The following GPC6 variants were observed in gnomAD, a reference collection of about 807,000 sequenced individuals.
GPC6 encodes the protein glypican 6.
In GPC6, 14 loss-of-function variants were observed where a neutral mutation model predicts 55.2. The observed-to-expected ratio is 0.25, with a 90% CI of 0.17 to 0.40. The LOEUF is 0.40. Ranked by LOEUF, GPC6 falls within the 10% of genes least tolerant of loss-of-function variation. The pLI, the probability that GPC6 is intolerant of heterozygous loss-of-function variation, is 1.00. For synonymous variants in GPC6, 278 were observed against 259.6 expected (o/e 1.07, Z -0.68); for missense variants, 641 against 708.5 (o/e 0.90, Z 1.08).
At chr13:93,958,570 A>T (rs1046314721) in intron 3 of GPC6, among the ~76,000 whole-genome samples, 3 of 152,136 alleles carry the variant, frequency 2.0e-5, no homozygotes, top group Admixed American at 6.5e-5. Context: ...TGTTTTTACC[A>T]GTATCAGCTG....
intron 3 of GPC6, among the ~76,000 whole-genome samples, chr13:93,917,403 CAA>C (rs796168883): frequency 1.3e-5 from 2 of 151,846 alleles, no homozygotes; most frequent in East Asian, 3.9e-4. Flanking sequence ...CTGCCACACA[CAA>C]AAAAACATTG....
rs199682007 is a variant in GPC6, at chr13:94,397,426, G to GTCAAA, written c.1290-1040_1290-1039insTCAAA. 7.2e-5 allele frequency among the ~76,000 whole-genome samples: 11 copies of GTCAAA among 152,216 alleles called. No homozygotes were observed. The East Asian group carries it at 2.1e-3, about 29-fold the overall frequency. ...GACAATTTTGACATTTTGGTACAAG[G>GTCAAA]GAAAGAAATGTGAAACTCAGAATCA... On this transcript the variant is annotated intron_variant, in intron 7 of 8. Coordinates refer to ENST00000377047, the MANE Select transcript of GPC6 (RefSeq NM_005708.5).
In GPC6 at chr13:94,406,856, G is replaced by A. The variant is rs546159818; in HGVS notation, c.*3639G>A. On this transcript the variant is annotated 3_prime_UTR_variant, in exon 9 of 9. Transcript: ENST00000377047. ...AACCTAGACGCATTAGGAAATGCAA[G>A]TTTTACCTAAAACTTGCAGAAATTT... 9 of 152,020 alleles carry A rather than the reference G, an allele frequency of 5.9e-5. No homozygotes were observed. Among genetic ancestry groups the A allele is most frequent in the Non-Finnish European group, 1.2e-4 (8 of 67,938 alleles). 9.4% of individuals were successfully genotyped at this position (152,020 alleles called of 1,614,324 possible).
intron 1 of GPC6, among the ~76,000 whole-genome samples, chr13:93,448,555 C>T (rs1405315703): frequency 6.6e-6 from 1 of 152,088 alleles, no homozygotes; most frequent in Admixed American, 6.6e-5. Context: ...TGAAAATCAC[C>T]ATGATCAAAA....
intron 4 of GPC6, among the ~76,000 whole-genome samples, chr13:94,225,115 G>C (rs1044319192): frequency 2.6e-5 from 4 of 152,086 alleles, no homozygotes; most frequent in African/African-American, 9.7e-5. Context: ...TGAACCAGTT[G>C]AGATGTCTAG....
chr13:93,639,432 C>A (rs933175365), intron 2 of GPC6, among the ~76,000 whole-genome samples: 3 of 152,078 alleles, frequency 2.0e-5, no homozygotes, highest in Non-Finnish European at 4.4e-5. Context: ...TTGAATTTTT[C>A]TTCAAGTGAG....
intron 4 of GPC6, among the ~76,000 whole-genome samples, chr13:94,229,825 T>C (rs1314776544): frequency 6.6e-6 from 1 of 152,214 alleles, no homozygotes; most frequent in East Asian, 1.9e-4. Context: ...AGCATGACTC[T>C]TCATCCCAAC....
Position 94,404,604 on chromosome 13 carries a change from G to C in GPC6, c.*1387G>C, listed in dbSNP as rs1299404184. 1 of 152,218 alleles carries C rather than the reference G, an allele frequency of 6.6e-6. No homozygotes were observed. Among genetic ancestry groups the C allele is most frequent in the Admixed American group, 6.5e-5 (1 of 15,288 alleles). The allele number at this position is 152,218 out of a possible 1,614,324, so 9.4% of individuals were successfully genotyped here. A position where few individuals can be genotyped will look rare whatever the true frequency, so the allele number is the denominator to read the frequency against. On this transcript the variant is annotated 3_prime_UTR_variant, in exon 9 of 9. Coordinates refer to ENST00000377047, the MANE Select transcript of GPC6 (RefSeq NM_005708.5). ...TGCCAGGGCACACCCTTCTGCATGAGTGTGCTTCAGCCTGGGTGCTCCAGA... is the reference window on the plus strand; with the variant it reads ...TGCCAGGGCACACCCTTCTGCATGACTGTGCTTCAGCCTGGGTGCTCCAGA...
intron 4 of GPC6, among the ~76,000 whole-genome samples, chr13:94,163,964 A>C (rs143173066): frequency 6.6e-6 from 1 of 152,196 alleles, no homozygotes; most frequent in Non-Finnish European, 1.5e-5. Context: ...TGATCTGACC[A>C]GTGATTGAGT....
chr13:94,003,014 T>C (rs1881872075), intron 3 of GPC6, among the ~76,000 whole-genome samples: 1 of 152,210 alleles, frequency 6.6e-6, no homozygotes, highest in Admixed American at 6.5e-5. Flanking sequence ...CACAGTCATC[T>C]TGAAAGAGGC....
intron 2 of GPC6, among the ~76,000 whole-genome samples, chr13:93,638,705 A>G (rs996202887): frequency 2.0e-5 from 3 of 152,152 alleles, no homozygotes; most frequent in African/African-American, 7.2e-5. Flanking sequence ...ATTAAAGATG[A>G]CAACAACATT....
At chr13:94,103,850 G>A (rs1885955347) in intron 4 of GPC6, among the ~76,000 whole-genome samples, 1 of 152,132 alleles carries the variant, frequency 6.6e-6, no homozygotes, top group Non-Finnish European at 1.5e-5. Flanking sequence ...TCACTCCAAT[G>A]GTAGTTTCTT....
Position 94,406,889 on chromosome 13 carries a change from T to A in GPC6, c.*3672T>A, listed in dbSNP as rs1881390702. On this transcript the variant is annotated 3_prime_UTR_variant, in exon 9 of 9. Transcript: ENST00000377047. Reference sequence around the variant, plus strand: ...TAAAACTTGCAGAAATTTAAACACATTTCCATTTACTTACTAACGAACAGA... The same window carrying A: ...TAAAACTTGCAGAAATTTAAACACAATTCCATTTACTTACTAACGAACAGA... The A allele has an allele frequency of 6.6e-6, 1 of 152,156 alleles. No individual in the cohort carries two copies. The highest frequency in any genetic ancestry group is 2.4e-5 in the African/African-American group (1 of 41,454). The allele number at this position is 152,156 out of a possible 1,614,324, so 9.4% of individuals were successfully genotyped here.
intron 3 of GPC6, among the ~76,000 whole-genome samples, chr13:93,847,433 C>T (rs1888222220): frequency 6.6e-6 from 1 of 152,074 alleles, no homozygotes; most frequent in Admixed American, 6.6e-5. Context: ...AACCACATGA[C>T]TCATTTGTGT....
At chr13:94,120,734 G>A (rs2138853207) in intron 4 of GPC6, among the ~76,000 whole-genome samples, 1 of 152,218 alleles carries the variant, frequency 6.6e-6, no homozygotes, top group South Asian at 2.1e-4. Flanking sequence ...AGGAAATTGA[G>A]AGTGTTTTAG....
intron 4 of GPC6, among the ~76,000 whole-genome samples, chr13:94,185,632 A>G (rs906756737): frequency 6.6e-6 from 1 of 152,140 alleles, no homozygotes; most frequent in Non-Finnish European, 1.5e-5. Flanking sequence ...AATGTAAAAA[A>G]AAGAATATGG....
At chr13:93,621,788 G>A (rs1196461619) in intron 2 of GPC6, among the ~76,000 whole-genome samples, 2 of 151,928 alleles carry the variant, frequency 1.3e-5, no homozygotes, top group South Asian at 2.1e-4. Flanking sequence ...ATTTTGTTAC[G>A]TACAAAGACT....
chr13:93,637,550 G>A (rs974210995), intron 2 of GPC6, among the ~76,000 whole-genome samples: 2 of 152,034 alleles, frequency 1.3e-5, no homozygotes, highest in Non-Finnish European at 2.9e-5. Flanking sequence ...TGTGAAATAT[G>A]GAACAGATTA....
chr13:93,882,320 A>T (rs1026490312), intron 3 of GPC6, among the ~76,000 whole-genome samples: 1 of 151,144 alleles, frequency 6.6e-6, no homozygotes, highest in Non-Finnish European at 1.5e-5. Context: ...CTAATTTTTG[A>T]ATTTTGTGTA....
Sources: allele counts gnomAD v4.1 joint callset (sites outside exome capture counted in the v4.1 genomes callset), GRCh38; gene constraint gnomAD v4.1.1; transcripts MANE v1.5; gene names NCBI Gene and HGNC (gene_info 2026-07-23, HGNC 2026-07-21).